The following LINGO2 variants were observed in gnomAD, a reference collection of about 807,000 sequenced individuals.
LINGO2 encodes the protein leucine-rich repeat and immunoglobulin-like domain-containing nogo receptor-interacting protein 2.
In LINGO2, 14 loss-of-function variants were observed where a neutral mutation model predicts 30.6. The ratio of observed to expected loss-of-function variants is 0.46; its 90% CI spans 0.30 to 0.72. LINGO2 has a LOEUF of 0.72. Ranked by LOEUF, LINGO2 falls within the 30% of genes least tolerant of loss-of-function variation. LINGO2 has a pLI of 0.07. For synonymous variants in LINGO2, 317 were observed against 288.5 expected (o/e 1.10, Z -1.00); for missense variants, 729 against 751.7 (o/e 0.97, Z 0.35).
the LINGO2 span, among the ~76,000 whole-genome samples, chr9:28,778,987 G>T: frequency 1.4e-4 from 21 of 152,080 alleles, no homozygotes; most frequent in Non-Finnish European, 2.4e-4. Flanking sequence ...CAGAAGAACA[G>T]ACAAAGCAGG....
At chr9:28,348,526 C>G (rs1819692437) in intron 3 of LINGO2, among the ~76,000 whole-genome samples, 1 of 152,164 alleles carries the variant, frequency 6.6e-6, no homozygotes, top group South Asian at 2.1e-4. Context: ...TGATTGCTAG[C>G]ACAGCAGTCT....
intron 2 of LINGO2, among the ~76,000 whole-genome samples, chr9:28,439,617 C>G (rs1824106866): frequency 6.6e-6 from 1 of 152,118 alleles, no homozygotes; most frequent in Non-Finnish European, 1.5e-5. Context: ...CCTTCACTCT[C>G]TCATCCTCCT....
At chr9:29,029,745 C>G in the LINGO2 span, among the ~76,000 whole-genome samples, 1 of 152,020 alleles carries the variant, frequency 6.6e-6, no homozygotes, top group African/African-American at 2.4e-5. Context: ...AACAAACCAG[C>G]AAGTGGATTG....
At chr9:28,153,724 A>C (rs1004748701) in intron 4 of LINGO2, among the ~76,000 whole-genome samples, 2 of 152,222 alleles carry the variant, frequency 1.3e-5, no homozygotes, top group African/African-American at 4.8e-5. Context: ...TGAAAAGAAG[A>C]GAGCACTCCT....
chr9:28,347,624 T>C (rs1819642727), intron 3 of LINGO2, among the ~76,000 whole-genome samples: 1 of 152,206 alleles, frequency 6.6e-6, no homozygotes, highest in African/African-American at 2.4e-5. Context: ...AATGCACAAT[T>C]TTCTTAGTTA....
At chr9:28,623,651 T>G (rs1826517464) in intron 1 of LINGO2, among the ~76,000 whole-genome samples, 1 of 152,140 alleles carries the variant, frequency 6.6e-6, no homozygotes. Context: ...TTTGTTCTTT[T>G]TGCTTAGGAT....
chr9:28,383,126 C>A (rs1331286547), intron 2 of LINGO2, among the ~76,000 whole-genome samples: 1 of 152,026 alleles, frequency 6.6e-6, no homozygotes, highest in East Asian at 1.9e-4. Context: ...AGCTCCTCAT[C>A]TGTAGGAAGA....
chr9:28,181,178 G>A (rs916217750), intron 4 of LINGO2, among the ~76,000 whole-genome samples: 65 of 152,192 alleles, frequency 4.3e-4, no homozygotes, highest in African/African-American at 7.5e-4. Context: ...GCAAAATCAC[G>A]TGCAGCTCTT....
chr9:28,087,360 CTT>C (rs1825944749), intron 4 of LINGO2, among the ~76,000 whole-genome samples: 1 of 152,036 alleles, frequency 6.6e-6, no homozygotes, highest in East Asian at 1.9e-4. Context: ...AGAAAAAGCA[CTT>C]TTAAAACAAT....
chr9:28,611,634 G>A (rs1335811184), intron 1 of LINGO2, among the ~76,000 whole-genome samples: 3 of 151,988 alleles, frequency 2.0e-5, no homozygotes, highest in Non-Finnish European at 4.4e-5. Flanking sequence ...GTAGAATCAT[G>A]TAGTTTGTTC....
chr9:28,291,356 T>A (rs1293221583), intron 4 of LINGO2, among the ~76,000 whole-genome samples: 1 of 152,180 alleles, frequency 6.6e-6, no homozygotes, highest in Non-Finnish European at 1.5e-5. Flanking sequence ...AAATCATTAC[T>A]ACATCCACGT....
chr9:28,927,871 G>A, the LINGO2 span, among the ~76,000 whole-genome samples: 5 of 152,178 alleles, frequency 3.3e-5, no homozygotes, highest in Admixed American at 6.5e-5. Flanking sequence ...ATCTGCCTAA[G>A]GCCACATAGC....
At chr9:28,000,530 C>A (rs1821895593) in intron 5 of LINGO2, among the ~76,000 whole-genome samples, 1 of 152,166 alleles carries the variant, frequency 6.6e-6, no homozygotes, top group Non-Finnish European at 1.5e-5. Context: ...AGGCACCAGA[C>A]TTTTACATGG....
In LINGO2 at chr9:28,328,875, A is replaced by G. The variant is rs552885348; in HGVS notation, c.-245-33509T>C. On this transcript the variant is annotated intron_variant, in intron 3 of 5. Transcript: ENST00000379992. ...GTAGGTCACAGTCAAAATTCTGAAG[A>G]TTTATTGTTGAAAGACAAAAATAGT... 1.8e-3 allele frequency among the ~76,000 whole-genome samples: 272 copies of G among 152,278 alleles called. 2 individuals are homozygous for G. The highest frequency in any genetic ancestry group is 6.4e-3 in the African/African-American group (266 of 41,556).
rs77349119 is a variant in LINGO2 at position 28,661,684 on chromosome 9, T to C, written c.-365+8516A>G. Among the ~76,000 whole-genome samples, 1,256 of 152,224 alleles carry C rather than the reference T, an allele frequency of 8.3e-3. 29 individuals carry two copies. Among genetic ancestry groups the C allele is most frequent in the Admixed American group, 0.036 (543 of 15,282 alleles). On this transcript the variant is annotated intron_variant, in intron 1 of 5. Coordinates refer to ENST00000379992, the Ensembl canonical transcript of LINGO2. ...TAAAATGTCCCCATTTTGAAAAATT[T>C]GAGACATGGAAATCTTCAAAAATGA...
the LINGO2 span, among the ~76,000 whole-genome samples, chr9:28,837,410 C>A: frequency 4.6e-5 from 7 of 151,060 alleles, no homozygotes. Flanking sequence ...CTTTGGGAGG[C>A]CGAGGCGGGT....
intron 4 of LINGO2, among the ~76,000 whole-genome samples, chr9:28,221,728 C>A (rs183201481): frequency 1.3e-5 from 2 of 152,262 alleles, no homozygotes; most frequent in Admixed American, 6.5e-5. Flanking sequence ...TGAAGAAATG[C>A]TCTGAGTAGA....
the LINGO2 span, among the ~76,000 whole-genome samples, chr9:28,990,832 C>A: frequency 6.6e-6 from 1 of 152,134 alleles, no homozygotes. Context: ...AAAGAAAGGA[C>A]ATCCACACCA....
At chr9:28,868,880 C>T in the LINGO2 span, among the ~76,000 whole-genome samples, 1 of 152,034 alleles carries the variant, frequency 6.6e-6, no homozygotes, top group South Asian at 2.1e-4. Flanking sequence ...TATTTAAGCC[C>T]CCAACTCACA....
Sources: allele counts gnomAD v4.1 joint callset (sites outside exome capture counted in the v4.1 genomes callset), GRCh38; gene constraint gnomAD v4.1.1; transcripts MANE v1.5; gene names NCBI Gene and HGNC (gene_info 2026-07-23, HGNC 2026-07-21).